Variants in ELMOD1 observed in about 807,000 individuals in gnomAD.
The protein encoded by ELMOD1 is ELMO domain containing 1, also known as ELMO domain-containing protein 1.
A neutral mutation model predicts 46.7 loss-of-function variants in ELMOD1; 21 were observed. The ratio of observed to expected loss-of-function variants is 0.45; its 90% confidence interval spans 0.32 to 0.65. The LOEUF (loss-of-function observed/expected upper bound fraction) is 0.65, where lower values mean the gene tolerates loss of function less well. ELMOD1 is among the 30% of genes least tolerant of loss of function. The pLI, the probability that ELMOD1 is intolerant of heterozygous loss-of-function variation, is 0.04. For missense variants in ELMOD1, 348 were observed against 407.8 expected, an observed-to-expected ratio of 0.85 and a Z score of 1.26; for synonymous variants, 122 against 138.2, an observed-to-expected ratio of 0.88 and a Z score of 0.82.
At chr11:107,617,871 C>T (rs1440950622) in intron 1 of ELMOD1, among the ~76,000 whole-genome samples, 1 of 152,124 alleles carries the variant, frequency 6.6e-6, no homozygotes, top group Non-Finnish European at 1.5e-5. Flanking sequence ...AGAGATTGCT[C>T]ATGAAATTCA....
rs34475862 is a variant in ELMOD1, at chr11:107,641,939, C to CTT, written c.421-5506_421-5505dup. Among the ~76,000 whole-genome samples, 528 of 100,432 alleles carry CTT rather than the reference C, an allele frequency of 5.3e-3. 4 individuals are homozygous for CTT. The highest frequency in any genetic ancestry group is 0.017 in the African/African-American group (429 of 25,236). 65.9% of individuals were successfully genotyped at this position (100,432 alleles called of 152,430 possible). On this transcript the variant is annotated intron_variant, in intron 6 of 11. Coordinates refer to ENST00000265840, the MANE Select transcript of ELMOD1 (RefSeq NM_018712.4). Reference sequence around the variant, plus strand: ...AGTAAATGGATTGTATGAGCTTACTCTTTTTTTTTTTTTTTTTTTTTTTTA... The same window carrying CTT: ...AGTAAATGGATTGTATGAGCTTACTCTTTTTTTTTTTTTTTTTTTTTTTTTTA...
At chr11:107,646,943 AATCTATCTATCT>A (rs10536920) in intron 6 of ELMOD1, among the ~76,000 whole-genome samples, 284 of 148,078 alleles carry the variant, frequency 1.9e-3, no homozygotes, top group South Asian at 5.7e-3. Context: ...TTATCTATCT[AATCTATCTATCT>A]ATCTATCTAT....
chr11:107,610,496 T>A (rs1316264085), intron 1 of ELMOD1, among the ~76,000 whole-genome samples: 1 of 151,954 alleles, frequency 6.6e-6, no homozygotes, highest in African/African-American at 2.4e-5. Context: ...AAACCCCGTC[T>A]GTACTAAAAA....
intron 10 of ELMOD1, among the ~76,000 whole-genome samples, chr11:107,655,570 T>A (rs1206288500): frequency 8.0e-6 from 1 of 124,788 alleles, no homozygotes; most frequent in Admixed American, 8.9e-5. Context: ...ATTATTGAAA[T>A]GCCTTTTTTT....
At position 107,618,101 on chromosome 11, in the gene ELMOD1, A is replaced by T; in HGVS notation, c.-85-4A>T. ...TATACCTAATATCTAATTTCTTCCCACAGTTGACACTTACTTTGACAAAGG... is the reference window on the plus strand; with the variant it reads ...TATACCTAATATCTAATTTCTTCCCTCAGTTGACACTTACTTTGACAAAGG... On this transcript the variant is annotated splice_polypyrimidine_tract_variant and splice_region_variant and intron_variant, in intron 1 of 11. Coordinates refer to ENST00000265840, the MANE Select transcript of ELMOD1 (RefSeq NM_018712.4). 7.1e-7 allele frequency: 1 copy of T among 1,410,174 alleles called. No individual in the cohort carries two copies. The highest frequency in any genetic ancestry group is 9.8e-7 in the Non-Finnish European group (1 of 1,018,782). 87.4% of individuals were successfully genotyped at this position (1,410,174 alleles called of 1,614,324 possible). A position where few individuals can be genotyped will look rare whatever the true frequency, so the allele number is the denominator to read the frequency against.
intron 5 of ELMOD1, among the ~76,000 whole-genome samples, chr11:107,633,767 T>G (rs1481527663): frequency 6.6e-6 from 1 of 152,042 alleles, no homozygotes; most frequent in Non-Finnish European, 1.5e-5. Flanking sequence ...TTTCTGCCTC[T>G]TATATTCCGT....
At chr11:107,651,589 C>A (rs186397395) in intron 9 of ELMOD1, among the ~76,000 whole-genome samples, 1 of 152,206 alleles carries the variant, frequency 6.6e-6, no homozygotes, top group East Asian at 1.9e-4. Context: ...ATATTTTATA[C>A]GATTAAAAAT....
chr11:107,615,720 G>A (rs1771535499), intron 1 of ELMOD1, among the ~76,000 whole-genome samples: 1 of 152,024 alleles, frequency 6.6e-6, no homozygotes, highest in African/African-American at 2.4e-5. Context: ...CCTTTGGCTT[G>A]CACCTCTTGG....
chr11:107,614,077 A>T (rs1457836131), intron 1 of ELMOD1, among the ~76,000 whole-genome samples: 1 of 152,224 alleles, frequency 6.6e-6, no homozygotes, highest in African/African-American at 2.4e-5. Flanking sequence ...GTTGCTGGCC[A>T]CAAACATGGA....
At chr11:107,591,969 A>G (rs1474439881) in intron 1 of ELMOD1, 1 of 524,012 alleles carries the variant, frequency 1.9e-6, no homozygotes, top group African/African-American at 1.9e-5. Context: ...GAAACTCCGC[A>G]CTTCAATATT....
At chr11:107,648,282 C>G (rs1418369803) in intron 7 of ELMOD1, among the ~76,000 whole-genome samples, 1 of 152,228 alleles carries the variant, frequency 6.6e-6, no homozygotes, top group Non-Finnish European at 1.5e-5. Context: ...GCCCCCTCCT[C>G]CATGTCATTA....
At chr11:107,648,970 T>C (rs1866479676) in intron 7 of ELMOD1, among the ~76,000 whole-genome samples, 1 of 152,178 alleles carries the variant, frequency 6.6e-6, no homozygotes, top group Non-Finnish European at 1.5e-5. Context: ...ATATTATTTT[T>C]AAAAGAAGTT....
At chr11:107,654,063 T>A in intron 9 of ELMOD1, 109 bp from the exon 10 acceptor site, 1 of 862,446 alleles carries the variant, frequency 1.2e-6, no homozygotes, top group East Asian at 2.7e-5. Context: ...ATAATTGAGC[T>A]ACAGACATCT....
chr11:107,621,996 T>A (rs993439093), intron 2 of ELMOD1, among the ~76,000 whole-genome samples: 1 of 152,126 alleles, frequency 6.6e-6, no homozygotes, highest in Non-Finnish European at 1.5e-5. Context: ...CACTGCACTC[T>A]AGCCTAGGTG....
chr11:107,613,080 C>A (rs1591108068), intron 1 of ELMOD1, among the ~76,000 whole-genome samples: 1 of 152,138 alleles, frequency 6.6e-6, no homozygotes, highest in African/African-American at 2.4e-5. Context: ...CAGTTCTCTC[C>A]CTCCCCACAG....
intron 5 of ELMOD1, among the ~76,000 whole-genome samples, chr11:107,634,904 T>C (rs976602823): frequency 6.6e-6 from 1 of 152,172 alleles, no homozygotes; most frequent in African/African-American, 2.4e-5. Context: ...GAGAACGGAA[T>C]TGGAACCACT....
intron 9 of ELMOD1, among the ~76,000 whole-genome samples, chr11:107,651,993 G>A (rs1866534145): frequency 6.6e-6 from 1 of 152,186 alleles, no homozygotes; most frequent in Non-Finnish European, 1.5e-5. Flanking sequence ...AAAGAGACTA[G>A]CATTTGTGTG....
At chr11:107,608,356 T>TAAA (rs5794561) in intron 1 of ELMOD1, among the ~76,000 whole-genome samples, 1 of 151,172 alleles carries the variant, frequency 6.6e-6, no homozygotes, top group Admixed American at 6.6e-5. Flanking sequence ...TATGTATCTT[T>TAAA]AAAAAAAAAC....
Position 107,631,599 on chromosome 11 carries a change from G to A in ELMOD1, c.212G>A (p.Ser71Asn), listed in dbSNP as rs971930284. The A allele has an allele frequency of 1.5e-5, 24 of 1,562,382 alleles. No individual in the cohort carries two copies. The highest frequency in any genetic ancestry group is 2.0e-5 in the Non-Finnish European group (23 of 1,153,106). Reference sequence around the variant, plus strand: ...TTCCAGCTGTTGCAGACTTCTGTGAGTGTTCACCCCGACGCTATTGAAAAA... The same window carrying A: ...TTCCAGCTGTTGCAGACTTCTGTGAATGTTCACCCCGACGCTATTGAAAAA... ...SKSKLLQTSVSVHPDAIEKTI... is the reference protein window; with the variant it reads ...SKSKLLQTSVNVHPDAIEKTI... The change falls in exon 5 of 12, where the codon AGT becomes AAT. Residue 71 changes from serine (S) to asparagine (N), a missense_variant. Coordinates refer to ENST00000265840, the MANE Select transcript of ELMOD1 (RefSeq NM_018712.4).
Sources: gnomAD v4.1 joint callset for allele counts (sites outside exome capture counted in the v4.1 genomes callset) on GRCh38, gnomAD v4.1.1 for gene constraint, MANE v1.5 for transcripts, NCBI Gene and HGNC (gene_info 2026-07-23, HGNC 2026-07-21) for gene names.